Variants in ACYP2 observed in about 807,000 individuals in gnomAD.
ACYP2 encodes the protein acylphosphatase 2, also known as acylphosphatase-2.
ACYP2 carries 12 observed loss-of-function variants against 11.2 expected under a neutral mutation model. The ratio of observed to expected loss-of-function variants is 1.08; its 90% CI spans 0.69 to 1.74. ACYP2 has a LOEUF of 1.74. Among genes scored for constraint, ACYP2 ranks in the 40% most tolerant of loss-of-function variants. The probability of loss-of-function intolerance (pLI) is 0.00; values close to 1 mark genes in which losing one functional copy is unlikely to be tolerated. For synonymous variants in ACYP2, 43 were observed against 32.2 expected (o/e 1.33, Z -1.13); for missense variants, 134 against 101.9 (o/e 1.31, Z -1.35).
chr2:54,088,439 C>A (rs952909698), intron 4 of ACYP2, among the ~76,000 whole-genome samples: 1 of 152,156 alleles, frequency 6.6e-6, no homozygotes, highest in Non-Finnish European at 1.5e-5. Flanking sequence ...ACGTTATTCA[C>A]CAGAGAGTCA....
At chr2:54,252,081 A>G (rs190728939) in intron 6 of ACYP2, among the ~76,000 whole-genome samples, 9 of 152,316 alleles carry the variant, frequency 5.9e-5, no homozygotes, top group African/African-American at 2.2e-4. Flanking sequence ...CAGACCCGTC[A>G]CTGTCCTTGG....
At chr2:54,141,819 C>T (rs1681618856) in intron 6 of ACYP2, 1 of 505,104 alleles carries the variant, frequency 2.0e-6, no homozygotes, top group Non-Finnish European at 3.6e-6. Context: ...CACACATATG[C>T]TTTTAAGATA....
At chr2:54,175,067 T>A (rs1683383381) in intron 6 of ACYP2, among the ~76,000 whole-genome samples, 1 of 152,248 alleles carries the variant, frequency 6.6e-6, no homozygotes, top group Non-Finnish European at 1.5e-5. Context: ...GAGGATTCCC[T>A]CTTTTTCTAT....
chr2:54,122,587 G>GC (rs1680224659), intron 4 of ACYP2, among the ~76,000 whole-genome samples: 1 of 152,184 alleles, frequency 6.6e-6, no homozygotes, highest in South Asian at 2.1e-4. Context: ...CTGTGTTCCA[G>GC]CCAACACTGA....
chr2:54,098,365 T>A (rs1191881538), intron 4 of ACYP2, among the ~76,000 whole-genome samples: 4 of 152,186 alleles, frequency 2.6e-5, no homozygotes, highest in African/African-American at 9.7e-5. Flanking sequence ...GGGCCCACGT[T>A]GAATTTGATT....
At chr2:54,055,568 A>G (rs1676098238) in intron 3 of ACYP2, among the ~76,000 whole-genome samples, 1 of 152,240 alleles carries the variant, frequency 6.6e-6, no homozygotes, top group African/African-American at 2.4e-5. Flanking sequence ...TTACAAATAG[A>G]AAATAGAGGC....
At chr2:54,205,004 G>A (rs1339227377) in intron 6 of ACYP2, among the ~76,000 whole-genome samples, 1 of 152,070 alleles carries the variant, frequency 6.6e-6, no homozygotes. Flanking sequence ...AGTTTTCGTA[G>A]TTATTCTCCT....
At chr2:54,265,986 G>C (rs541868727) in intron 6 of ACYP2, among the ~76,000 whole-genome samples, 1 of 152,232 alleles carries the variant, frequency 6.6e-6, no homozygotes, top group African/African-American at 2.4e-5. Flanking sequence ...CAAAAATTGA[G>C]AATTTATTAT....
chr2:54,191,520 C>T (rs1341254895), intron 6 of ACYP2, among the ~76,000 whole-genome samples: 1 of 152,150 alleles, frequency 6.6e-6, no homozygotes, highest in African/African-American at 2.4e-5. Context: ...GCTGTGTGAC[C>T]TTGCACAAGT....
At chr2:53,982,522 A>C (rs1407121420) in intron 2 of ACYP2, among the ~76,000 whole-genome samples, 3 of 152,260 alleles carry the variant, frequency 2.0e-5, no homozygotes, top group East Asian at 3.9e-4. Flanking sequence ...ACTATAACCA[A>C]ATGTCAGCTG....
At chr2:54,202,298 G>A (rs973133521) in intron 6 of ACYP2, among the ~76,000 whole-genome samples, 2 of 79,692 alleles carry the variant, frequency 2.5e-5, no homozygotes, top group African/African-American at 8.8e-5. Context: ...CAGTAGAGAC[G>A]GAGTTTCACC....
At chr2:54,201,273 T>C (rs1175753398) in intron 6 of ACYP2, among the ~76,000 whole-genome samples, 1 of 152,004 alleles carries the variant, frequency 6.6e-6, no homozygotes, top group Non-Finnish European at 1.5e-5. Context: ...GCCCGACTAA[T>C]TTTTTGTATT....
chr2:54,204,568 T>G (rs1684996265), intron 6 of ACYP2, among the ~76,000 whole-genome samples: 1 of 152,204 alleles, frequency 6.6e-6, no homozygotes, highest in Non-Finnish European at 1.5e-5. Flanking sequence ...TAAGTAAATA[T>G]CCTGTTCTTG....
chr2:54,290,457 T>G (rs1689256650), intron 6 of ACYP2, among the ~76,000 whole-genome samples: 1 of 152,030 alleles, frequency 6.6e-6, no homozygotes, highest in African/African-American at 2.4e-5. Flanking sequence ...CTTTTTATGT[T>G]TGCACCTCAC....
At chr2:54,010,196 T>C (rs1388589201) in intron 2 of ACYP2, among the ~76,000 whole-genome samples, 1 of 152,052 alleles carries the variant, frequency 6.6e-6, no homozygotes, top group African/African-American at 2.4e-5. Flanking sequence ...CAAAAAGTCA[T>C]GAACTGGCCA....
chr2:54,278,241 T>C (rs139588869), intron 6 of ACYP2, among the ~76,000 whole-genome samples: 2 of 152,156 alleles, frequency 1.3e-5, no homozygotes, highest in East Asian at 1.9e-4. Flanking sequence ...GACTCCCAAA[T>C]TGCTGGGATT....
At position 54,045,123 on chromosome 2, in the gene ACYP2, G is replaced by A. The variant is rs191446476; in HGVS notation, c.63-5835G>A. On this transcript the variant is annotated intron_variant, in intron 2 of 6. Transcript: ENST00000607452. The stretch of plus-strand genomic sequence containing the variant: ...GGTCCTGCATACCAATGAAACTACT[G>A]ACATCAGCTGGTCTGAACGACCCCA... Among the ~76,000 whole-genome samples the A allele has an allele frequency of 3.9e-5, 6 of 152,246 alleles. No homozygotes were observed. The East Asian group carries it at 1.2e-3, about 29-fold the overall frequency.
At chr2:54,169,145 C>T (rs1437106124) in intron 6 of ACYP2, among the ~76,000 whole-genome samples, 1 of 152,172 alleles carries the variant, frequency 6.6e-6, no homozygotes, top group Admixed American at 6.6e-5. Context: ...AGCTATTTAG[C>T]AGAGGTTGGC....
chr2:54,072,509 C>CTTTTTT (rs780586783), intron 4 of ACYP2, among the ~76,000 whole-genome samples: 221 of 72,960 alleles, frequency 3.0e-3, no homozygotes, highest in South Asian at 0.011. Flanking sequence ...CTCTCTCTCT[C>CTTTTTT]TCTTTCTTTC....
Sources: gnomAD v4.1 joint callset for allele counts (sites outside exome capture counted in the v4.1 genomes callset) on GRCh38, gnomAD v4.1.1 for gene constraint, MANE v1.5 for transcripts, NCBI Gene and HGNC (gene_info 2026-07-23, HGNC 2026-07-21) for gene names.